SERPINI2: variants seen among roughly 807,000 people sequenced by gnomAD.
SERPINI2 encodes serpin family I member 2, also known as serpin I2.
SERPINI2 carries 48 observed loss-of-function variants against 47.3 expected under a neutral mutation model. That is an observed-to-expected ratio of 1.02 (90% CI 0.81 to 1.29). SERPINI2 has a LOEUF of 1.29. Ranked by LOEUF, SERPINI2 falls within the 50% of genes most tolerant of loss-of-function variation. SERPINI2 has a pLI of 0.00. For missense variants in SERPINI2, 448 were observed against 456.9 expected (o/e 0.98, Z 0.18); for synonymous variants, 135 against 149.3 (o/e 0.90, Z 0.70).
intron 5 of SERPINI2, among the ~76,000 whole-genome samples, chr3:167,456,691 T>C (rs985990417): frequency 3.3e-5 from 5 of 152,178 alleles, no homozygotes; most frequent in South Asian, 2.1e-4. Flanking sequence ...TGTGTGACCA[T>C]AGGCAAGGTA....
intron 5 of SERPINI2, among the ~76,000 whole-genome samples, chr3:167,456,166 G>GTGTA (rs1553855262): frequency 2.0e-5 from 3 of 150,730 alleles, no homozygotes; most frequent in African/African-American, 7.4e-5. Context: ...GTGTGTGTGT[G>GTGTA]TGTGTGTGTG....
intron 5 of SERPINI2, among the ~76,000 whole-genome samples, chr3:167,456,150 C>CTGTG (rs68048909): frequency 0.049 from 7,085 of 144,368 alleles, 185 homozygotes; most frequent in Middle Eastern, 0.079. Context: ...TCAATTACCT[C>CTGTG]TGTGTGTGTG....
At chr3:167,442,580 C>T (rs565382994) in intron 8 of SERPINI2, among the ~76,000 whole-genome samples, 2 of 152,286 alleles carry the variant, frequency 1.3e-5, no homozygotes, top group Non-Finnish European at 2.9e-5. Flanking sequence ...TCATTTTATG[C>T]ATGTAATGTA....
chr3:167,449,412 A>C lies in SERPINI2; in HGVS notation c.965-10T>G. 6.4e-7 allele frequency: 1 copy of C among 1,564,114 alleles called. No homozygotes were observed. The highest frequency in any genetic ancestry group is 1.1e-5 in the South Asian group (1 of 88,460). ...TACACTTCAGATGAATCTGGTTAAA[A>C]AAAAATACACAAAAGTGTATTTAAG... On this transcript the variant is annotated splice_polypyrimidine_tract_variant and intron_variant, in intron 6 of 8. Transcript: ENST00000264677.
intron 8 of SERPINI2, 38 bp downstream of exon 8, chr3:167,446,354 C>G (rs764410146): frequency 7.2e-7 from 1 of 1,384,214 alleles, no homozygotes; most frequent in Non-Finnish European, 1.0e-6. Flanking sequence ...TTCTGCTTAA[C>G]ATAATCAGTT....
chr3:167,448,406 A>G (rs911277709), intron 7 of SERPINI2, among the ~76,000 whole-genome samples: 6 of 152,266 alleles, frequency 3.9e-5, no homozygotes, highest in African/African-American at 1.4e-4. Context: ...TGGTTCTTCC[A>G]TGCACATTGA....
intron 8 of SERPINI2, among the ~76,000 whole-genome samples, chr3:167,445,501 T>C (rs1749449507): frequency 6.6e-6 from 1 of 152,206 alleles, no homozygotes; most frequent in Admixed American, 6.5e-5. Context: ...GACAAGCAAC[T>C]TGTTTCACAA....
At chr3:167,455,387 C>T (rs751301760) in intron 5 of SERPINI2, among the ~76,000 whole-genome samples, 4 of 152,082 alleles carry the variant, frequency 2.6e-5, no homozygotes, top group Non-Finnish European at 5.9e-5. Flanking sequence ...GAATGACCTA[C>T]TTCTGGCCTC....
chr3:167,448,831 T>C lies in SERPINI2; in HGVS notation c.1051+485A>G, dbSNP rs149869399. 2.1e-3 allele frequency among the ~76,000 whole-genome samples: 315 copies of C among 152,310 alleles called. No homozygotes were observed. In the Middle Eastern group the frequency reaches 0.024, roughly 12 times the overall value. On this transcript the variant is annotated intron_variant, in intron 7 of 8. Transcript: ENST00000264677. ...GCCACCGCGCCCGGTTGACTGGGCA[T>C]AGGAGTTTTTAAAGCTTCCCAGGTG...
intron 5 of SERPINI2, among the ~76,000 whole-genome samples, chr3:167,457,676 G>T (rs1195434514): frequency 6.6e-6 from 1 of 152,146 alleles, no homozygotes; most frequent in Non-Finnish European, 1.5e-5. Flanking sequence ...GCTTTTTGCT[G>T]CAGTCACAGA....
At chr3:167,473,208 A>G (rs1022181356) in intron 1 of SERPINI2, among the ~76,000 whole-genome samples, 1 of 151,784 alleles carries the variant, frequency 6.6e-6, no homozygotes, top group Non-Finnish European at 1.5e-5. Flanking sequence ...TCAAAAAACA[A>G]TCCAAAGCAA....
chr3:167,468,670 C>T (rs567842121), intron 2 of SERPINI2, among the ~76,000 whole-genome samples: 47 of 152,194 alleles, frequency 3.1e-4, no homozygotes, highest in African/African-American at 1.1e-3. Flanking sequence ...TTCTTTATAA[C>T]CCTGAAATTC....
chr3:167,471,585 C>T lies in SERPINI2; in HGVS notation c.247+3G>A, dbSNP rs781323280. ...TATAAGTAAGGAGATGTAAGAGTCT[C>T]ACCAGCTGAGGTTTCCTGTTGTTTT... On this transcript the variant is annotated splice_donor_region_variant and intron_variant, in intron 2 of 8. Transcript: ENST00000264677. 6.2e-7 allele frequency: 1 copy of T among 1,613,026 alleles called. No homozygotes were observed. Among genetic ancestry groups the T allele is most frequent in the Admixed American group, 1.7e-5 (1 of 59,888 alleles).
chr3:167,450,028 T>C (rs926814108), intron 6 of SERPINI2, among the ~76,000 whole-genome samples: 29 of 152,220 alleles, frequency 1.9e-4, no homozygotes, highest in Admixed American at 1.9e-3. Context: ...CCCTTAGCCA[T>C]TGTCTATAGA....
At chr3:167,459,156 G>C (rs1217886961) in intron 5 of SERPINI2, among the ~76,000 whole-genome samples, 2 of 149,644 alleles carry the variant, frequency 1.3e-5, no homozygotes, top group East Asian at 2.0e-4. Context: ...CTCACTGCAA[G>C]CTCCGCCTCC....
At position 167,471,575 on chromosome 3, in the gene SERPINI2, G is replaced by C. The variant is rs1401895328; in HGVS notation, c.247+13C>G. ...TCTTATCCAGTATAAGTAAGGAGAT[G>C]TAAGAGTCTCACCAGCTGAGGTTTC... On this transcript the variant is annotated intron_variant, in intron 2 of 8. Coordinates refer to ENST00000264677, the Ensembl canonical transcript of SERPINI2. 1.1e-5 allele frequency: 18 copies of C among 1,612,182 alleles called. No homozygotes were observed. The highest frequency in any genetic ancestry group is 1.5e-5 in the Non-Finnish European group (18 of 1,178,790).
At chr3:167,458,788 T>C (rs1312400096) in intron 5 of SERPINI2, among the ~76,000 whole-genome samples, 1 of 152,186 alleles carries the variant, frequency 6.6e-6, no homozygotes, top group Admixed American at 6.5e-5. Flanking sequence ...TCAATACTCA[T>C]TGAATGGCAA....
At chr3:167,465,900 T>C (rs1222506277) in intron 3 of SERPINI2, among the ~76,000 whole-genome samples, 1 of 152,138 alleles carries the variant, frequency 6.6e-6, no homozygotes, top group Non-Finnish European at 1.5e-5. Context: ...TATGAGACTG[T>C]TTTAGGCAAA....
At chr3:167,452,850 G>C in intron 6 of SERPINI2, 86 bp downstream of exon 6, 1 of 754,318 alleles carries the variant, frequency 1.3e-6, no homozygotes, top group Non-Finnish European at 2.2e-6. Flanking sequence ...AGAGCTGAAT[G>C]CTCTTTCAGT....
Sources: allele counts gnomAD v4.1 joint callset (sites outside exome capture counted in the v4.1 genomes callset), GRCh38; gene constraint gnomAD v4.1.1; transcripts MANE v1.5; gene names NCBI Gene and HGNC (gene_info 2026-07-23, HGNC 2026-07-21).